Variants in EIPR1 observed in about 807,000 individuals in gnomAD.
EIPR1 encodes the protein EARP and GARP complex-interacting protein 1.
EIPR1 carries 25 observed loss-of-function variants against 48.1 expected under a neutral mutation model. That is an observed-to-expected ratio of 0.52 (90% CI 0.38 to 0.73). EIPR1 has a LOEUF of 0.73. Among genes scored for constraint, EIPR1 ranks in the 30% least tolerant of loss-of-function variants. EIPR1 has a pLI of 0.00. For synonymous variants in EIPR1, 204 were observed against 201.9 expected (o/e 1.01, Z -0.09); for missense variants, 415 against 506.2 (o/e 0.82, Z 1.73).
At chr2:3,293,108 A>C (rs762425977) in intron 3 of EIPR1, among the ~76,000 whole-genome samples, 4 of 152,150 alleles carry the variant, frequency 2.6e-5, no homozygotes, top group Admixed American at 1.3e-4. Flanking sequence ...CTTTCATTCC[A>C]TCACAGAACA....
At chr2:3,357,967 C>T (rs144440572) in intron 1 of EIPR1, among the ~76,000 whole-genome samples, 1 of 152,042 alleles carries the variant, frequency 6.6e-6, no homozygotes, top group Admixed American at 6.5e-5. Flanking sequence ...CTTACAGAAC[C>T]GTAAAATAAT....
intron 5 of EIPR1, among the ~76,000 whole-genome samples, chr2:3,199,584 G>T (rs1471759845): frequency 6.6e-6 from 1 of 152,230 alleles, no homozygotes; most frequent in African/African-American, 2.4e-5. Context: ...CCACTGGGGG[G>T]ACAGGGTACC....
chr2:3,267,713 T>C (rs1186639807), intron 3 of EIPR1, among the ~76,000 whole-genome samples: 1 of 152,042 alleles, frequency 6.6e-6, no homozygotes, highest in African/African-American at 2.4e-5. Flanking sequence ...GGGGCCAACA[T>C]GCTGTGCCCA....
chr2:3,274,378 C>T, intron 3 of EIPR1: 1 of 1,550,432 alleles, frequency 6.4e-7, no homozygotes, highest in Non-Finnish European at 8.7e-7. Flanking sequence ...GCTGACTTCC[C>T]AAGAGCACCA....
intron 5 of EIPR1, among the ~76,000 whole-genome samples, chr2:3,211,034 G>C (rs1345476804): frequency 6.6e-6 from 1 of 152,068 alleles, no homozygotes. Context: ...CTTATTACCT[G>C]GCTCATGAAA....
chr2:3,336,955 G>A (rs1670078508), intron 3 of EIPR1, among the ~76,000 whole-genome samples: 1 of 121,370 alleles, frequency 8.2e-6, no homozygotes, highest in South Asian at 2.9e-4. Flanking sequence ...GAAGGGAAGA[G>A]AAAAGGGAAA....
intron 3 of EIPR1, among the ~76,000 whole-genome samples, chr2:3,306,259 T>C (rs931417580): frequency 1.3e-5 from 2 of 152,204 alleles, no homozygotes; most frequent in African/African-American, 2.4e-5. Context: ...TGGGTTTCTA[T>C]GGATATTTGG....
At chr2:3,274,190 A>G in intron 3 of EIPR1, 1 of 1,343,444 alleles carries the variant, frequency 7.4e-7, no homozygotes, top group Non-Finnish European at 1.0e-6. Flanking sequence ...GTGCACAGGA[A>G]AAACAGAAAA....
At chr2:3,333,126 T>C (rs1420021368) in intron 3 of EIPR1, among the ~76,000 whole-genome samples, 1 of 152,158 alleles carries the variant, frequency 6.6e-6, no homozygotes, top group Non-Finnish European at 1.5e-5. Context: ...TTAAGAATAG[T>C]AAGGGTACAG....
intron 2 of EIPR1, among the ~76,000 whole-genome samples, chr2:3,350,135 A>C (rs1055748344): frequency 6.6e-6 from 1 of 151,256 alleles, no homozygotes; most frequent in South Asian, 2.1e-4. Context: ...AAAAAAAAAA[A>C]AAAAAAAAAC....
At chr2:3,284,974 T>C (rs1668134727) in intron 3 of EIPR1, among the ~76,000 whole-genome samples, 1 of 152,030 alleles carries the variant, frequency 6.6e-6, no homozygotes, top group Admixed American at 6.5e-5. Context: ...GACGTGTAGG[T>C]ATGGATCTTC....
At chr2:3,375,842 T>C (rs960895289) in intron 1 of EIPR1, among the ~76,000 whole-genome samples, 2 of 152,240 alleles carry the variant, frequency 1.3e-5, no homozygotes, top group African/African-American at 2.4e-5. Flanking sequence ...GCAGAGTGTC[T>C]GACACATAGT....
At chr2:3,302,525 T>C (rs1015532151) in intron 3 of EIPR1, among the ~76,000 whole-genome samples, 1 of 152,212 alleles carries the variant, frequency 6.6e-6, no homozygotes, top group Non-Finnish European at 1.5e-5. Context: ...GTTGGCTGCT[T>C]CTCCTTCTGC....
At chr2:3,308,881 T>C (rs1378671531) in intron 3 of EIPR1, among the ~76,000 whole-genome samples, 1 of 152,230 alleles carries the variant, frequency 6.6e-6, no homozygotes, top group Non-Finnish European at 1.5e-5. Flanking sequence ...TTGAAGTTTA[T>C]ATTCACTGCA....
In EIPR1 at chr2:3,247,293, C is replaced by T. The variant is rs907126562; in HGVS notation, c.416+10006G>A. On this transcript the variant is annotated intron_variant, in intron 4 of 8. Transcript: ENST00000382125. ...TGCGCCGAGGTTTCCATTATTTTGA[C>T]GTTGCTTCCACTAGCCAGCAGGGAG... Among the ~76,000 whole-genome samples the T allele has an allele frequency of 3.3e-5, 5 of 152,276 alleles. No individual in the cohort carries two copies. The East Asian group carries it at 5.8e-4, about 18-fold the overall frequency.
chr2:3,360,817 C>G lies in EIPR1; in HGVS notation c.43-6184G>C, dbSNP rs34978729. Among the ~76,000 whole-genome samples, 636 of 152,176 alleles carry G rather than the reference C, an allele frequency of 4.2e-3. 5 individuals carry two copies. The highest frequency in any genetic ancestry group is 0.015 in the African/African-American group (607 of 41,492). On this transcript the variant is annotated intron_variant, in intron 1 of 8. Coordinates refer to ENST00000382125, the MANE Select transcript of EIPR1 (RefSeq NM_003310.5). The stretch of plus-strand genomic sequence containing the variant: ...AGACACAGGCCAGGAGCAGATGAAC[C>G]TGCTCTCCTACACTGAGAGTCTCCC...
At chr2:3,262,122 T>C (rs2694075) in intron 3 of EIPR1, 103,593 of 152,204 alleles carry the variant, frequency 0.68, 35,575 homozygotes, top group East Asian at 0.81. Context: ...ACACAGACCG[T>C]CAAATGCACG....
chr2:3,274,955 A>C (rs1051353031), intron 3 of EIPR1, among the ~76,000 whole-genome samples: 12 of 152,156 alleles, frequency 7.9e-5, no homozygotes, highest in African/African-American at 2.9e-4. Flanking sequence ...GAGCAAAAAC[A>C]AGATTCAAAA....
intron 3 of EIPR1, among the ~76,000 whole-genome samples, chr2:3,314,370 A>G (rs973183771): frequency 6.6e-6 from 1 of 152,096 alleles, no homozygotes; most frequent in African/African-American, 2.4e-5. Context: ...CACAGTCCTA[A>G]TTTATCAATC....
Sources: gnomAD v4.1 joint callset for allele counts (sites outside exome capture counted in the v4.1 genomes callset) on GRCh38, gnomAD v4.1.1 for gene constraint, MANE v1.5 for transcripts, NCBI Gene and HGNC (gene_info 2026-07-23, HGNC 2026-07-21) for gene names.